The following FGD6 variants were observed in gnomAD, a reference collection of about 807,000 sequenced individuals.
The protein encoded by FGD6 is FYVE, RhoGEF and PH domain containing 6.
FGD6 carries 90 observed loss-of-function variants against 149.4 expected under a neutral mutation model. The ratio of observed to expected loss-of-function variants is 0.60; its 90% CI spans 0.51 to 0.72. The LOEUF (loss-of-function observed/expected upper bound fraction) is 0.72, where lower values mean the gene tolerates loss of function less well. Among genes scored for constraint, FGD6 ranks in the 30% least tolerant of loss-of-function variants. FGD6 has a pLI of 0.00. For missense variants in FGD6, 1,437 were observed against 1,684.8 expected, an observed-to-expected ratio of 0.85 and a Z score of 2.57; for synonymous variants, 527 against 584.0, an observed-to-expected ratio of 0.90 and a Z score of 1.41.
chr12:95,117,542 T>C (rs1879056368), intron 8 of FGD6, among the ~76,000 whole-genome samples: 1 of 152,024 alleles, frequency 6.6e-6, no homozygotes, highest in Non-Finnish European at 1.5e-5. Context: ...GTCCCACACC[T>C]CAGCCTCCCA....
chr12:95,204,105 C>T (rs1380380579), intron 2 of FGD6, among the ~76,000 whole-genome samples: 3 of 152,118 alleles, frequency 2.0e-5, no homozygotes, highest in Admixed American at 1.3e-4. Context: ...AACTATACTC[C>T]CAAAATGTCA....
chr12:95,152,142 AT>A (rs1164588914), intron 5 of FGD6, among the ~76,000 whole-genome samples: 1 of 152,090 alleles, frequency 6.6e-6, no homozygotes, highest in East Asian at 1.9e-4. Context: ...CCCGGGTAAC[AT>A]GTTGAAACCC....
At chr12:95,181,942 A>C (rs1881291767) in intron 2 of FGD6, among the ~76,000 whole-genome samples, 1 of 89,440 alleles carries the variant, frequency 1.1e-5, no homozygotes, top group Non-Finnish European at 2.4e-5. Context: ...AGATTCTCTC[A>C]AAAAAAAAAA....
In FGD6 at chr12:95,079,679, A is replaced by G. The variant is rs1485452880; in HGVS notation, c.*1841T>C. On this transcript the variant is annotated 3_prime_UTR_variant, in exon 21 of 21. Transcript: ENST00000343958. ...ATTTTAGTGTACCTGCTATGACAGAAAGGGGATGGCATGTTAGGATTGTGT... is the reference window on the plus strand; with the variant it reads ...ATTTTAGTGTACCTGCTATGACAGAGAGGGGATGGCATGTTAGGATTGTGT... 1.3e-5 allele frequency: 2 copies of G among 152,042 alleles called. No homozygotes were observed. The highest frequency in any genetic ancestry group is 4.8e-5 in the African/African-American group (2 of 41,320). 9.4% of individuals were successfully genotyped at this position (152,042 alleles called of 1,614,324 possible). A position where few individuals can be genotyped will look rare whatever the true frequency, so the allele number is the denominator to read the frequency against.
intron 19 of FGD6, among the ~76,000 whole-genome samples, chr12:95,085,201 A>G (rs946200167): frequency 6.6e-6 from 1 of 150,926 alleles, no homozygotes; most frequent in Non-Finnish European, 1.5e-5. Flanking sequence ...GCAGAAAGAA[A>G]CACAGCTCTG....
chr12:95,082,328 TG>T (rs1293303502), intron 20 of FGD6, among the ~76,000 whole-genome samples: 7 of 152,090 alleles, frequency 4.6e-5, no homozygotes, highest in African/African-American at 7.2e-5. Context: ...AAAAGGAATC[TG>T]GCATCTAGTG....
chr12:95,209,801 C>T lies in FGD6; in HGVS notation c.1483G>A (p.Val495Ile). ...VIKEENSLRI[V>I]PKKPQRHSLP... The stretch of plus-strand genomic sequence containing the variant: ...CTATGTCTTTGAGGTTTTTTGGGGA[C>T]AATTCGTAGAGAATTTTCCTCTTTT... The change falls in exon 2 of 21, where the codon GTC becomes ATC. Residue 495 changes from valine to isoleucine, a missense_variant. By Grantham distance (29) the Val-to-Ile change is conservative (BLOSUM62 3). Around this residue, in one of 2 missense-constraint regions of FGD6, gnomAD observed 1,055 missense variants for 1,146.0 expected, o/e 0.92. Coordinates refer to ENST00000343958, the MANE Select transcript of FGD6 (RefSeq NM_018351.4). 6.2e-7 allele frequency: 1 copy of T among 1,610,330 alleles called. No individual in the cohort carries two copies. Among genetic ancestry groups the T allele is most frequent in the African/African-American group, 1.3e-5 (1 of 74,604 alleles).
chr12:95,094,433 T>G (rs1272165945), intron 15 of FGD6, among the ~76,000 whole-genome samples, 159 bp downstream of exon 15: 1 of 152,134 alleles, frequency 6.6e-6, no homozygotes, highest in Non-Finnish European at 1.5e-5. Flanking sequence ...GAGGATAAAC[T>G]TTTAGCGCTG....
rs141850567 is a variant in FGD6 at position 95,164,284 on chromosome 12, C to G, written c.2586+8316G>C. Among the ~76,000 whole-genome samples, 285 of 151,238 alleles carry G rather than the reference C, an allele frequency of 1.9e-3. 1 individual carries two copies. The highest frequency in any genetic ancestry group is 6.5e-3 in the African/African-American group (267 of 41,196). On this transcript the variant is annotated intron_variant, in intron 3 of 20. Transcript: ENST00000343958. The stretch of plus-strand genomic sequence containing the variant: ...TGAGACGGAGTCTCGCTCTGTCACC[C>G]AGGCTGGAGTGCAGTGGCACGATCT...
At chr12:95,084,465 T>G in intron 20 of FGD6, 33 bp downstream of exon 20, 1 of 1,487,478 alleles carries the variant, frequency 6.7e-7, no homozygotes, top group Non-Finnish European at 8.9e-7. Flanking sequence ...TGAAATCTCA[T>G]GAATAAAAGA....
At chr12:95,084,286 T>TG (rs1422116194) in intron 20 of FGD6, among the ~76,000 whole-genome samples, 13 of 152,244 alleles carry the variant, frequency 8.5e-5, no homozygotes, top group Non-Finnish European at 1.5e-4. Context: ...CCTATTTTCT[T>TG]TTCCCCTCTG....
chr12:95,142,737 T>C (rs368431986), intron 5 of FGD6, among the ~76,000 whole-genome samples: 1 of 152,230 alleles, frequency 6.6e-6, no homozygotes, highest in East Asian at 1.9e-4. Flanking sequence ...TGCAATGCAG[T>C]TGGCACACAG....
chr12:95,165,139 G>A (rs1194931764), intron 3 of FGD6, among the ~76,000 whole-genome samples: 1 of 152,042 alleles, frequency 6.6e-6, no homozygotes, highest in Non-Finnish European at 1.5e-5. Context: ...GCATGGCTAG[G>A]TATTTCACCT....
At chr12:95,132,333 G>A (rs1879545849) in intron 8 of FGD6, among the ~76,000 whole-genome samples, 1 of 152,114 alleles carries the variant, frequency 6.6e-6, no homozygotes, top group Non-Finnish European at 1.5e-5. Flanking sequence ...TTTTAGTAAA[G>A]AGAGTTTTTT....
At chr12:95,098,734 C>T (rs772842042) in intron 14 of FGD6, among the ~76,000 whole-genome samples, 1 of 152,182 alleles carries the variant, frequency 6.6e-6, no homozygotes, top group Non-Finnish European at 1.5e-5. Flanking sequence ...AGGTCCTTTG[C>T]TTTACAGCCT....
At chr12:95,153,966 C>A in intron 3 of FGD6, among the ~76,000 whole-genome samples, 1 of 130,866 alleles carries the variant, frequency 7.6e-6, no homozygotes, top group Non-Finnish European at 1.7e-5. Flanking sequence ...AGAGAAGAGA[C>A]AGAGAGAGAG....
intron 3 of FGD6, among the ~76,000 whole-genome samples, chr12:95,153,446 G>A (rs1681387705): frequency 6.6e-6 from 1 of 152,168 alleles, no homozygotes; most frequent in South Asian, 2.1e-4. Context: ...TGGATCACCT[G>A]AGGTTGGGAG....
chr12:95,141,433 A>G lies in FGD6; in HGVS notation c.2792T>C (p.Leu931Pro). The G allele has an allele frequency of 1.9e-6, 3 of 1,614,194 alleles. No homozygotes were observed. Among genetic ancestry groups the G allele is most frequent in the Non-Finnish European group, 2.5e-6 (3 of 1,180,032 alleles). Residue 931 changes from leucine to proline, a missense_variant, in exon 6 of 21, where the codon CTC becomes CCC. Leu to Pro is a moderately conservative substitution (Grantham distance 98). Coordinates refer to ENST00000343958, the MANE Select transcript of FGD6 (RefSeq NM_018351.4). ...CAGTTCCTTCAAGAGATCCCGGTTGAGCTCATACAGCTGAGGCAAGTAGTA... is the reference window on the plus strand; with the variant it reads ...CAGTTCCTTCAAGAGATCCCGGTTGGGCTCATACAGCTGAGGCAAGTAGTA... ...ILYYLPQLYE[L>P]NRDLLKELEE...
At chr12:95,164,785 G>A (rs1880750341) in intron 3 of FGD6, among the ~76,000 whole-genome samples, 1 of 152,014 alleles carries the variant, frequency 6.6e-6, no homozygotes, top group Admixed American at 6.6e-5. Flanking sequence ...CTACTCTAGA[G>A]TTCTAATAAA....
Sources: gnomAD v4.1 joint callset for allele counts (sites outside exome capture counted in the v4.1 genomes callset) on GRCh38, gnomAD v4.1.1 for gene constraint, gnomAD v4.1.1 regional missense constraint, MANE v1.5 for transcripts, NCBI Gene and HGNC (gene_info 2026-07-23, HGNC 2026-07-21) for gene names.